The following INPP5B variants were observed in gnomAD, a reference collection of about 807,000 sequenced individuals.
INPP5B encodes type II inositol 1,4,5-trisphosphate 5-phosphatase.
A neutral mutation model predicts 118.5 loss-of-function variants in INPP5B; 90 were observed. That is an observed-to-expected ratio of 0.76 (90% CI 0.64 to 0.90). INPP5B has a LOEUF of 0.90. Ranked by LOEUF, INPP5B falls within the 40% of genes least tolerant of loss-of-function variation. INPP5B has a pLI of 0.00. For synonymous variants in INPP5B, 385 were observed against 418.9 expected, an observed-to-expected ratio of 0.92 and a Z score of 0.99; for missense variants, 984 against 1,125.6, an observed-to-expected ratio of 0.87 and a Z score of 1.80.
intron 6 of INPP5B, among the ~76,000 whole-genome samples, chr1:37,934,189 C>A (rs1645601119): frequency 6.6e-6 from 1 of 152,048 alleles, no homozygotes; most frequent in Admixed American, 6.6e-5. Context: ...ACCTCAACCT[C>A]TCAAAAGTGC....
At chr1:37,890,067 T>C (rs1339721241) in intron 8 of INPP5B, among the ~76,000 whole-genome samples, 3 of 151,994 alleles carry the variant, frequency 2.0e-5, no homozygotes, top group Non-Finnish European at 4.4e-5. Context: ...GGTGGCAGAG[T>C]ATGGGATTCA....
chr1:37,941,878 C>T (rs1440100996), intron 5 of INPP5B, among the ~76,000 whole-genome samples: 1 of 110,124 alleles, frequency 9.1e-6, no homozygotes, highest in Non-Finnish European at 1.9e-5. Context: ...GCGGAGCTTG[C>T]AGTGAGCCGA....
intron 8 of INPP5B, 53 bp downstream of exon 8, chr1:37,891,305 T>C: frequency 7.6e-7 from 1 of 1,311,416 alleles, no homozygotes; most frequent in East Asian, 2.3e-5. Flanking sequence ...GTCTCAGTAC[T>C]GTGAGGAGAA....
At chr1:37,894,689 G>A (rs1438659328) in intron 7 of INPP5B, among the ~76,000 whole-genome samples, 1 of 151,526 alleles carries the variant, frequency 6.6e-6, no homozygotes, top group Non-Finnish European at 1.5e-5. Flanking sequence ...AGCCTCCCGA[G>A]TAGCTGGGAT....
At chr1:37,931,076 A>G (rs1340631021) in intron 7 of INPP5B, 1 of 159,038 alleles carries the variant, frequency 6.3e-6, no homozygotes, top group Non-Finnish European at 1.4e-5. Context: ...CTGCTCAGCA[A>G]CTGGCCTTCT....
At chr1:37,945,676 G>A (rs557025440) in intron 3 of INPP5B, 80 bp downstream of exon 3, 3 of 935,980 alleles carry the variant, frequency 3.2e-6, no homozygotes, top group Admixed American at 4.1e-5. Flanking sequence ...GCCCTGGAGG[G>A]ACAGTTGAAG....
At chr1:37,886,190 CA>C (rs377084861) in intron 12 of INPP5B, among the ~76,000 whole-genome samples, 105 of 142,370 alleles carry the variant, frequency 7.4e-4, no homozygotes, top group African/African-American at 2.4e-3. Flanking sequence ...AACAAACAAA[CA>C]AAAAAAAAAC....
At chr1:37,878,870 G>T (rs1318209701) in intron 15 of INPP5B, among the ~76,000 whole-genome samples, 1 of 150,938 alleles carries the variant, frequency 6.6e-6, no homozygotes, top group African/African-American at 2.4e-5. Context: ...GGCTGGTCTT[G>T]AACTCCTGAG....
At chr1:37,871,580 C>T (rs529640145) in intron 19 of INPP5B, among the ~76,000 whole-genome samples, 64 of 152,200 alleles carry the variant, frequency 4.2e-4, no homozygotes, top group African/African-American at 1.2e-3. Flanking sequence ...CCAGCCCGGC[C>T]GACATGGTGA....
chr1:37,913,182 G>A (rs540094766), intron 7 of INPP5B, among the ~76,000 whole-genome samples: 36 of 152,102 alleles, frequency 2.4e-4, no homozygotes, highest in Admixed American at 4.6e-4. Flanking sequence ...GTGTGAACCC[G>A]GAAGGCGGAG....
rs1171626691 is a variant in INPP5B at position 37,943,872 on chromosome 1, C to T, written c.174G>A (p.Arg58=). 6.2e-7 allele frequency: 1 copy of T among 1,613,996 alleles called. No individual in the cohort carries two copies. The highest frequency in any genetic ancestry group is 1.7e-5 in the Admixed American group (1 of 59,996). ...QEHALFLYTH[R]RMAITGDDVS... ...CATCGTCCCCGGTAATGGCCATCCT[C>T]CGGTGCGTATAGAGGAAGAGACTAA... The change falls in exon 4 of 24, where the codon CGG becomes CGA. Residue 58 remains arginine (R), a synonymous_variant. Coordinates refer to ENST00000373024, the MANE Select transcript of INPP5B (RefSeq NM_005540.3).
At chr1:37,887,862 TAA>T (rs59009767) in intron 10 of INPP5B, among the ~76,000 whole-genome samples, 69 of 148,430 alleles carry the variant, frequency 4.6e-4, no homozygotes, top group Non-Finnish European at 5.2e-4. Flanking sequence ...ATGAGAAGAT[TAA>T]AAAAAAAAAA....
chr1:37,941,892 C>T (rs1221100684), intron 5 of INPP5B, among the ~76,000 whole-genome samples: 5 of 103,018 alleles, frequency 4.9e-5, no homozygotes, highest in African/African-American at 7.1e-5. Context: ...GAGCCGAGAT[C>T]GCGCCACTGC....
At chr1:37,946,715 C>T (rs79787095) in intron 1 of INPP5B, among the ~76,000 whole-genome samples, 17,013 of 152,018 alleles carry the variant, frequency 0.11, 1,001 homozygotes, top group Middle Eastern at 0.23. Flanking sequence ...GTTCTGCTAG[C>T]GCCTCTCTGG....
intron 7 of INPP5B, among the ~76,000 whole-genome samples, chr1:37,910,331 C>A (rs919370636): frequency 4.6e-5 from 7 of 152,116 alleles, no homozygotes; most frequent in Non-Finnish European, 8.8e-5. Context: ...CTAAAACTCC[C>A]CAACTCTGGT....
intron 7 of INPP5B, among the ~76,000 whole-genome samples, chr1:37,921,573 G>A (rs891145518): frequency 2.0e-5 from 3 of 152,180 alleles, no homozygotes; most frequent in Admixed American, 6.5e-5. Flanking sequence ...AGGGCCAGGC[G>A]CAGTGCCTCA....
intron 7 of INPP5B, among the ~76,000 whole-genome samples, chr1:37,919,945 AAAACAAAC>A (rs201970632): frequency 6.6e-6 from 1 of 152,202 alleles, no homozygotes; most frequent in Non-Finnish European, 1.5e-5. Context: ...ACATCTTAAA[AAAACAAAC>A]AAACAAACAA....
chr1:37,885,600 C>T lies in INPP5B; in HGVS notation c.1319+38G>A, dbSNP rs771197184. 3.5e-5 allele frequency: 56 copies of T among 1,587,030 alleles called. No individual in the cohort carries two copies. In the East Asian group the frequency reaches 1.1e-3, roughly 32 times the overall value. ...AAGACAGAGCCCACAACTCTATGTA[C>T]TCATGGTGAACCGCATGGGGTGGAA... On this transcript the variant is annotated intron_variant, in intron 13 of 23. Coordinates refer to ENST00000373024, the MANE Select transcript of INPP5B (RefSeq NM_005540.3).
intron 7 of INPP5B, among the ~76,000 whole-genome samples, chr1:37,925,421 T>C (rs1645192050): frequency 6.6e-6 from 1 of 152,300 alleles, no homozygotes; most frequent in South Asian, 2.1e-4. Flanking sequence ...TATATTTATC[T>C]ATTTAAATTT....
Sources: allele counts gnomAD v4.1 joint callset (sites outside exome capture counted in the v4.1 genomes callset), GRCh38; gene constraint gnomAD v4.1.1; transcripts MANE v1.5; gene names NCBI Gene and HGNC (gene_info 2026-07-23, HGNC 2026-07-21).